Variants in GABRG3 observed in about 807,000 individuals in gnomAD.
GABRG3 encodes gamma-aminobutyric acid type A receptor subunit gamma3.
Under a neutral mutation model 48.8 loss-of-function variants are expected in GABRG3, and 25 were observed. The observed-to-expected ratio is 0.51, with a 90% CI of 0.37 to 0.72. The LOEUF (loss-of-function observed/expected upper bound fraction) is 0.72. Among genes scored for constraint, GABRG3 ranks in the 30% least tolerant of loss-of-function variants. GABRG3 has a pLI of 0.00. For synonymous variants in GABRG3, 227 were observed against 217.6 expected (o/e 1.04, Z -0.38); for missense variants, 394 against 577.9 (o/e 0.68, Z 3.26).
intron 6 of GABRG3, among the ~76,000 whole-genome samples, chr15:27,495,068 T>C (rs1270681122): frequency 2.6e-5 from 4 of 152,212 alleles, no homozygotes; most frequent in Non-Finnish European, 5.9e-5. Flanking sequence ...ATCAGTTTAA[T>C]TGTAGTGTAG....
At chr15:27,133,746 TGAA>T (rs1897961231) in intron 3 of GABRG3, among the ~76,000 whole-genome samples, 1 of 152,242 alleles carries the variant, frequency 6.6e-6, no homozygotes, top group Non-Finnish European at 1.5e-5. Context: ...TGTGCAAAGA[TGAA>T]GAGCAAATTG....
chr15:27,530,263 G>A (rs1891390750), intron 9 of GABRG3, among the ~76,000 whole-genome samples: 1 of 152,168 alleles, frequency 6.6e-6, no homozygotes. Flanking sequence ...AGGAAGCACG[G>A]TGCTCTGGGA....
At chr15:27,115,005 A>G (rs1897617497) in intron 3 of GABRG3, among the ~76,000 whole-genome samples, 1 of 152,176 alleles carries the variant, frequency 6.6e-6, no homozygotes, top group Admixed American at 6.5e-5. Context: ...TAATTTTTAG[A>G]TAAATGTTGA....
chr15:27,001,282 T>C (rs895564806), intron 2 of GABRG3, among the ~76,000 whole-genome samples: 3 of 152,242 alleles, frequency 2.0e-5, no homozygotes, highest in African/African-American at 7.2e-5. Context: ...AGCAGAAGTG[T>C]TCTTCCTTCT....
At chr15:27,413,763 A>G (rs1388049358) in intron 5 of GABRG3, among the ~76,000 whole-genome samples, 1 of 152,200 alleles carries the variant, frequency 6.6e-6, no homozygotes, top group Non-Finnish European at 1.5e-5. Flanking sequence ...TTTTGCAGTT[A>G]TGTCTAACTC....
At chr15:27,292,476 A>T (rs1310042643) in intron 3 of GABRG3, among the ~76,000 whole-genome samples, 1 of 152,220 alleles carries the variant, frequency 6.6e-6, no homozygotes. Context: ...GATATTCTGA[A>T]TATAGCAACT....
At position 27,537,584 on chromosome 15, in the gene GABRG3, G is replaced by A. The variant is rs1008840428; in HGVS notation, c.*4703G>A. ...ATCTCTATCATTATAGGGATAAAAC[G>A]TGTATGTTTTGAGATGATTTGGTAA... is the stretch of plus-strand genomic sequence containing the variant. On this transcript the variant is annotated 3_prime_UTR_variant, in exon 10 of 10. Coordinates refer to ENST00000615808, the MANE Select transcript of GABRG3 (RefSeq NM_033223.5). The A allele has an allele frequency of 6.6e-6, 1 of 152,202 alleles. No individual in the cohort carries two copies. The highest frequency in any genetic ancestry group is 1.5e-5 in the Non-Finnish European group (1 of 67,998). The allele number at this position is 152,202 out of a possible 1,614,324, so 9.4% of individuals were successfully genotyped here.
At chr15:26,997,630 C>A (rs1485846058) in intron 2 of GABRG3, among the ~76,000 whole-genome samples, 8 of 152,188 alleles carry the variant, frequency 5.3e-5, no homozygotes, top group Non-Finnish European at 1.2e-4. Flanking sequence ...GCCCAGCTAC[C>A]TAGTGTTGCC....
At chr15:27,069,066 T>A (rs958131280) in intron 3 of GABRG3, among the ~76,000 whole-genome samples, 1 of 152,178 alleles carries the variant, frequency 6.6e-6, no homozygotes, top group East Asian at 1.9e-4. Flanking sequence ...AGAAGGCATG[T>A]TTACGCTGGG....
intron 3 of GABRG3, among the ~76,000 whole-genome samples, chr15:27,095,736 CT>C (rs1485717187): frequency 6.6e-6 from 1 of 152,062 alleles, no homozygotes; most frequent in Non-Finnish European, 1.5e-5. Flanking sequence ...GAGGCTGGGA[CT>C]TTAGTGTCCT....
Position 27,210,355 on chromosome 15 carries a change from C to T in GABRG3, c.271-116454C>T, listed in dbSNP as rs568871098. On this transcript the variant is annotated intron_variant, in intron 3 of 9. Transcript: ENST00000615808. The stretch of plus-strand genomic sequence containing the variant: ...GATGAGTAATCATGAACACGTTTTC[C>T]TGCATGTGGGAGATTTTCTCCTTTT... 9.9e-5 allele frequency among the ~76,000 whole-genome samples: 15 copies of T among 152,276 alleles called. No homozygotes were observed. The South Asian group carries it at 3.1e-3, about 32-fold the overall frequency.
At chr15:27,348,408 G>A (rs995937012) in intron 5 of GABRG3, among the ~76,000 whole-genome samples, 2 of 152,132 alleles carry the variant, frequency 1.3e-5, no homozygotes, top group African/African-American at 4.8e-5. Context: ...GTCTGAGACA[G>A]TTTTAAGTGC....
intron 3 of GABRG3, among the ~76,000 whole-genome samples, chr15:27,056,126 G>C (rs1243699455): frequency 6.6e-6 from 1 of 151,890 alleles, no homozygotes; most frequent in Non-Finnish European, 1.5e-5. Flanking sequence ...GAGGTGGTGG[G>C]TTACTTGAGT....
Position 27,358,567 on chromosome 15 carries a change from C to T in GABRG3, c.574+29679C>T, listed in dbSNP as rs576251387. ...ACGTAGGAGAAGGCTCTGCCCTCAC[C>T]TAGCAGGTCTGATGGAAGCCCCTTA... is the stretch of plus-strand genomic sequence containing the variant. On this transcript the variant is annotated intron_variant, in intron 5 of 9. Transcript: ENST00000615808. Among the ~76,000 whole-genome samples, 22 of 152,142 alleles carry T rather than the reference C, an allele frequency of 1.4e-4. No individual in the cohort carries two copies. The South Asian group carries it at 2.9e-3, about 20-fold the overall frequency.
intron 3 of GABRG3, among the ~76,000 whole-genome samples, chr15:27,222,305 CA>C (rs1889478649): frequency 6.6e-6 from 1 of 152,210 alleles, no homozygotes; most frequent in African/African-American, 2.4e-5. Flanking sequence ...CACCCACATG[CA>C]AAATGGGGGA....
intron 5 of GABRG3, among the ~76,000 whole-genome samples, chr15:27,344,238 G>A (rs1894289009): frequency 6.6e-6 from 1 of 152,206 alleles, no homozygotes; most frequent in African/African-American, 2.4e-5. Context: ...TAGCATATAT[G>A]GGGTATCAGA....
intron 3 of GABRG3, among the ~76,000 whole-genome samples, chr15:27,314,657 C>T (rs990574395): frequency 2.6e-5 from 4 of 152,124 alleles, no homozygotes; most frequent in African/African-American, 9.7e-5. Flanking sequence ...ATGAAAACAA[C>T]GTAATGTCCA....
In GABRG3 at chr15:26,976,004, A is replaced by G. The variant is rs1297590083; in HGVS notation, c.54-998A>G. 1.3e-5 allele frequency among the ~76,000 whole-genome samples: 2 copies of G among 152,236 alleles called. No homozygotes were observed. Among genetic ancestry groups the G allele is most frequent in the Non-Finnish European group, 2.9e-5 (2 of 68,034 alleles). On this transcript the variant is annotated intron_variant, in intron 1 of 9. Transcript: ENST00000615808. The surrounding 1 kb of genome is among the most constrained non-coding windows in gnomAD (Gnocchi z 7.8). ...GCAGAAAGAGACTGTCTGCTCTCCA[A>G]GCCCAAATAACTATGGTGTTGAGAC...
In GABRG3 at chr15:27,014,362, T is replaced by G. The variant is rs181084320; in HGVS notation, c.203-12392T>G. 1.0e-3 allele frequency among the ~76,000 whole-genome samples: 156 copies of G among 151,946 alleles called. 1 individual carries two copies. The highest frequency in any genetic ancestry group is 1.1e-3 in the Non-Finnish European group (76 of 67,892). On this transcript the variant is annotated intron_variant, in intron 2 of 9. Coordinates refer to ENST00000615808, the MANE Select transcript of GABRG3 (RefSeq NM_033223.5). ...ATTTCTTTATTTTTTTTTTTTTAGT[T>G]TTTTGAGGGTGTAAACTTAGATTGT...
Sources: gnomAD v4.1 joint callset for allele counts (sites outside exome capture counted in the v4.1 genomes callset) on GRCh38, gnomAD v4.1.1 for gene constraint, Gnocchi (gnomAD v3.1) non-coding constraint, MANE v1.5 for transcripts, NCBI Gene and HGNC (gene_info 2026-07-23, HGNC 2026-07-21) for gene names.